VWC2: variants seen among roughly 807,000 people sequenced by gnomAD.
The protein encoded by VWC2 is brorin.
VWC2 carries 14 observed loss-of-function variants against 29.8 expected under a neutral mutation model. That is an observed-to-expected ratio of 0.47 (90% CI 0.31 to 0.74). VWC2 has a LOEUF of 0.74. Ranked by LOEUF, VWC2 falls within the 30% of genes least tolerant of loss-of-function variation. VWC2 has a pLI of 0.05. For missense variants in VWC2, 457 were observed against 459.8 expected (o/e 0.99, Z 0.05); for synonymous variants, 213 against 199.0 (o/e 1.07, Z -0.59).
chr7:49,806,599 G>A (rs1788883821), intron 3 of VWC2, among the ~76,000 whole-genome samples: 1 of 152,180 alleles, frequency 6.6e-6, no homozygotes, highest in African/African-American at 2.4e-5. Context: ...ACGTTCATGG[G>A]AAAATATGTA....
chr7:49,788,371 G>T (rs1320445631), intron 2 of VWC2, among the ~76,000 whole-genome samples: 1 of 152,130 alleles, frequency 6.6e-6, no homozygotes, highest in Non-Finnish European at 1.5e-5. Flanking sequence ...TTCACTTCCT[G>T]CTTGTAGTGG....
intron 3 of VWC2, among the ~76,000 whole-genome samples, chr7:49,888,584 C>T (rs1469160326): frequency 3.3e-5 from 5 of 152,164 alleles, no homozygotes; most frequent in Non-Finnish European, 7.3e-5. Context: ...CAGCCTGCAT[C>T]CCAGCACACT....
intron 3 of VWC2, among the ~76,000 whole-genome samples, chr7:49,816,608 T>A (rs553099044): frequency 6.6e-6 from 1 of 152,282 alleles, no homozygotes; most frequent in Non-Finnish European, 1.5e-5. Context: ...AGGATGAATG[T>A]TTTAAGTGCT....
intron 3 of VWC2, among the ~76,000 whole-genome samples, chr7:49,868,970 ATAT>A (rs1791023232): frequency 6.6e-6 from 1 of 152,218 alleles, no homozygotes; most frequent in African/African-American, 2.4e-5. Flanking sequence ...TGTGTCAAAT[ATAT>A]GTACAATTTT....
rs542777742 is a variant in VWC2 at position 49,778,752 on chromosome 7, A to G, written c.696+2621A>G. On this transcript the variant is annotated intron_variant, in intron 2 of 3. Transcript: ENST00000340652. ...TGATGCTGAGTACCAGGGCACAGAAATTGTTAACATGCCTGCTCTGGGTAT... is the reference window on the plus strand; with the variant it reads ...TGATGCTGAGTACCAGGGCACAGAAGTTGTTAACATGCCTGCTCTGGGTAT... Among the ~76,000 whole-genome samples the G allele has an allele frequency of 3.9e-5, 6 of 152,362 alleles. No homozygotes were observed. The East Asian group carries it at 9.6e-4, about 24-fold the overall frequency.
chr7:49,880,312 C>T (rs185178534), intron 3 of VWC2, among the ~76,000 whole-genome samples: 5 of 152,060 alleles, frequency 3.3e-5, no homozygotes, highest in East Asian at 3.9e-4. Flanking sequence ...GTATTTTTAA[C>T]GCATGATGCT....
At chr7:49,774,594 G>A (rs1788011069) in intron 1 of VWC2, among the ~76,000 whole-genome samples, 1 of 152,196 alleles carries the variant, frequency 6.6e-6, no homozygotes, top group East Asian at 1.9e-4. Flanking sequence ...TCCGCAGCCA[G>A]GACACTACAA....
intron 3 of VWC2, among the ~76,000 whole-genome samples, chr7:49,824,745 T>G (rs1362266564): frequency 6.6e-6 from 1 of 152,172 alleles, no homozygotes; most frequent in South Asian, 2.1e-4. Context: ...ATTTATGGTT[T>G]TTATTATACA....
Position 49,843,029 on chromosome 7 carries a change from A to C in VWC2, c.826+40189A>C, listed in dbSNP as rs562174594. On this transcript the variant is annotated intron_variant, in intron 3 of 3. Transcript: ENST00000340652. Reference sequence around the variant, plus strand: ...ATGAACTCTGAGCATAGTACCCAACAGTTTGTTTTTCCCCTTCCCTTTCCC... The same window carrying C: ...ATGAACTCTGAGCATAGTACCCAACCGTTTGTTTTTCCCCTTCCCTTTCCC... Among the ~76,000 whole-genome samples the C allele has an allele frequency of 5.3e-5, 8 of 152,262 alleles. No homozygotes were observed. In the South Asian group the frequency reaches 1.7e-3, roughly 32 times the overall value.
chr7:49,795,850 C>A (rs1788575895), intron 2 of VWC2, among the ~76,000 whole-genome samples: 1 of 152,134 alleles, frequency 6.6e-6, no homozygotes, highest in African/African-American at 2.4e-5. Context: ...CCTTTAGTTG[C>A]ACTGAGTCTA....
intron 3 of VWC2, among the ~76,000 whole-genome samples, chr7:49,863,082 A>AAT (rs1258394018): frequency 1.3e-5 from 2 of 152,010 alleles, no homozygotes; most frequent in African/African-American, 2.4e-5. Flanking sequence ...CACCAGTGAA[A>AAT]CCATCTGGTC....
rs895129898 is a variant in VWC2 at position 49,776,022 on chromosome 7, A to C, written c.587A>C (p.His196Pro). 1.2e-5 allele frequency: 19 copies of C among 1,544,824 alleles called. No homozygotes were observed. Among genetic ancestry groups the C allele is most frequent in the Non-Finnish European group, 1.6e-5 (18 of 1,150,302 alleles). ...GCGCAGCCCGAGTGCCCGAGGCTGC[A>C]CCCGCGCTGCATCCACGTCGACACG... ...LCAQPECPRL[H>P]PRCIHVDTSQ... The change falls in exon 2 of 4, where the codon CAC (histidine) becomes CCC (proline). Residue 196 changes from histidine to proline, a missense_variant. His to Pro is a moderately conservative substitution (Grantham distance 77). Around this residue, in one of 2 missense-constraint regions of VWC2, gnomAD observed 185 missense variants for 257.1 expected, o/e 0.72. Coordinates refer to ENST00000340652, the MANE Select transcript of VWC2 (RefSeq NM_198570.5).
intron 2 of VWC2, among the ~76,000 whole-genome samples, chr7:49,793,431 C>G (rs754697903): frequency 3.4e-4 from 52 of 152,014 alleles, no homozygotes; most frequent in East Asian, 2.3e-3. Context: ...TCAGAAGTAG[C>G]TGGTGCAGTG....
intron 2 of VWC2, among the ~76,000 whole-genome samples, chr7:49,801,657 G>T (rs914183551): frequency 2.0e-5 from 3 of 152,246 alleles, no homozygotes; most frequent in Non-Finnish European, 4.4e-5. Flanking sequence ...GCATCGTGAT[G>T]CTGGATAGTG....
rs1793812562 is a variant in VWC2, at chr7:49,917,965, T to C, written c.*5780T>C. 1 of 152,182 alleles carries C rather than the reference T, an allele frequency of 6.6e-6. No individual in the cohort carries two copies. Among genetic ancestry groups the C allele is most frequent in the African/African-American group, 2.4e-5 (1 of 41,452 alleles). The allele number at this position is 152,182 out of a possible 1,614,324, so 9.4% of individuals were successfully genotyped here. ...TTTCCTAAGCATATAATTCTTATAATGGAAAAAAGTGAAAAGTATCCAGTA... is the reference window on the plus strand; with the variant it reads ...TTTCCTAAGCATATAATTCTTATAACGGAAAAAAGTGAAAAGTATCCAGTA... On this transcript the variant is annotated 3_prime_UTR_variant, in exon 4 of 4. Coordinates refer to ENST00000340652, the MANE Select transcript of VWC2 (RefSeq NM_198570.5).
intron 3 of VWC2, among the ~76,000 whole-genome samples, chr7:49,832,816 G>A (rs1789567609): frequency 6.6e-6 from 1 of 152,168 alleles, no homozygotes; most frequent in Non-Finnish European, 1.5e-5. Context: ...TTGGCAATGT[G>A]CTCTGTCCAG....
At chr7:49,870,553 C>T (rs562518408) in intron 3 of VWC2, among the ~76,000 whole-genome samples, 1 of 152,164 alleles carries the variant, frequency 6.6e-6, no homozygotes, top group East Asian at 1.9e-4. Context: ...GGAGTGGTGA[C>T]TGGCACTTAC....
At chr7:49,847,636 C>T (rs1039288850) in intron 3 of VWC2, among the ~76,000 whole-genome samples, 3 of 152,270 alleles carry the variant, frequency 2.0e-5, no homozygotes, top group Non-Finnish European at 4.4e-5. Context: ...GCACGCTGGC[C>T]TGGGTCAGGA....
At chr7:49,808,501 A>G (rs1788926638) in intron 3 of VWC2, among the ~76,000 whole-genome samples, 1 of 152,084 alleles carries the variant, frequency 6.6e-6, no homozygotes, top group Admixed American at 6.5e-5. Context: ...ATAATATAGA[A>G]GACTTGAATG....
Sources: gnomAD v4.1 joint callset for allele counts (sites outside exome capture counted in the v4.1 genomes callset) on GRCh38, gnomAD v4.1.1 for gene constraint, gnomAD v4.1.1 regional missense constraint, MANE v1.5 for transcripts, NCBI Gene and HGNC (gene_info 2026-07-23, HGNC 2026-07-21) for gene names.